DYRK1A: variants seen among roughly 807,000 people sequenced by gnomAD.
DYRK1A encodes the protein dual specificity tyrosine phosphorylation regulated kinase 1A.
In DYRK1A, 9 loss-of-function variants were observed where a neutral mutation model predicts 79.7. That is an observed-to-expected ratio of 0.11 (90% CI 0.07 to 0.20). The LOEUF (loss-of-function observed/expected upper bound fraction) is 0.20, where lower values mean the gene tolerates loss of function less well. DYRK1A is among the 10% of genes least tolerant of loss of function. DYRK1A has a pLI of 1.00. For missense variants in DYRK1A, 622 were observed against 956.0 expected (o/e 0.65, Z 4.61); for synonymous variants, 349 against 329.7 (o/e 1.06, Z -0.63).
chr21:37,366,062 C>A (rs2049295588), upstream of DYRK1A: 1 of 151,564 alleles, frequency 6.6e-6, no homozygotes, highest in Non-Finnish European at 1.5e-5. Flanking sequence ...GCCCCCACCA[C>A]GGCCTCCGCC....
At chr21:37,479,966 A>C (rs1426858747) in intron 4 of DYRK1A, among the ~76,000 whole-genome samples, 1 of 151,902 alleles carries the variant, frequency 6.6e-6, no homozygotes, top group East Asian at 1.9e-4. Flanking sequence ...CCTGTGATTA[A>C]CCATAGGCGT....
chr21:37,421,297 T>A (rs1002231196), intron 2 of DYRK1A, among the ~76,000 whole-genome samples: 1 of 152,094 alleles, frequency 6.6e-6, no homozygotes, highest in Non-Finnish European at 1.5e-5. Flanking sequence ...TGGTGTAGTT[T>A]TTGTGATTGG....
chr21:37,511,148 C>T (rs1320121008), intron 11 of DYRK1A, among the ~76,000 whole-genome samples: 2 of 152,178 alleles, frequency 1.3e-5, no homozygotes, highest in Non-Finnish European at 2.9e-5. Flanking sequence ...GTTTGGAACT[C>T]AGGTAGCCAG....
chr21:37,450,409 T>C (rs979658615), intron 2 of DYRK1A, among the ~76,000 whole-genome samples: 1 of 152,234 alleles, frequency 6.6e-6, no homozygotes, highest in Admixed American at 6.5e-5. Context: ...TCTTGATTTT[T>C]ATCACGTTGT....
chr21:37,453,570 T>C (rs1444247244), intron 2 of DYRK1A, among the ~76,000 whole-genome samples: 1 of 152,154 alleles, frequency 6.6e-6, no homozygotes, highest in East Asian at 1.9e-4. Flanking sequence ...CGAGCAGGTG[T>C]TTGGTCCAGG....
intron 9 of DYRK1A, chr21:37,503,894 A>G (rs989442364): frequency 2.0e-5 from 3 of 152,148 alleles, no homozygotes; most frequent in African/African-American, 7.2e-5. Context: ...ATTTATGTGT[A>G]TCTTCTATTG....
At chr21:37,471,561 T>C (rs144185391) in intron 2 of DYRK1A, among the ~76,000 whole-genome samples, 110 of 152,338 alleles carry the variant, frequency 7.2e-4, no homozygotes, top group African/African-American at 2.5e-3. Flanking sequence ...ATGTTGTATG[T>C]ACTAAAGCAC....
chr21:37,398,221 G>A (rs942774880), intron 1 of DYRK1A, among the ~76,000 whole-genome samples: 1 of 151,316 alleles, frequency 6.6e-6, no homozygotes, highest in Non-Finnish European at 1.5e-5. Context: ...GCAGGCACCT[G>A]TAATCCTAGC....
chr21:37,375,436 G>A (rs928134269), intron 1 of DYRK1A, among the ~76,000 whole-genome samples: 4 of 150,892 alleles, frequency 2.7e-5, no homozygotes, highest in African/African-American at 9.7e-5. Flanking sequence ...TTCACTGTTG[G>A]AATTCATTTC....
chr21:37,428,396 T>G (rs1173080935), intron 2 of DYRK1A, among the ~76,000 whole-genome samples: 2 of 152,200 alleles, frequency 1.3e-5, no homozygotes, highest in African/African-American at 4.8e-5. Context: ...TGACCTTTTA[T>G]GTAGTGTAAT....
chr21:37,387,918 A>G (rs555956586), intron 1 of DYRK1A, among the ~76,000 whole-genome samples: 1 of 152,108 alleles, frequency 6.6e-6, no homozygotes, highest in South Asian at 2.1e-4. Context: ...GGATTTCGTT[A>G]AAAAGAAAAC....
At chr21:37,429,804 G>T (rs971189550) in intron 2 of DYRK1A, among the ~76,000 whole-genome samples, 2 of 152,166 alleles carry the variant, frequency 1.3e-5, no homozygotes, top group African/African-American at 4.8e-5. Context: ...ATCCATTCTG[G>T]AAGTAAAAGA....
chr21:37,446,957 G>A (rs927034125), intron 2 of DYRK1A, among the ~76,000 whole-genome samples: 2 of 152,082 alleles, frequency 1.3e-5, no homozygotes, highest in African/African-American at 2.4e-5. Flanking sequence ...TCTCCTGATT[G>A]TTACTAGTCT....
At chr21:37,470,648 T>C (rs1447957949) in intron 2 of DYRK1A, among the ~76,000 whole-genome samples, 1 of 152,156 alleles carries the variant, frequency 6.6e-6, no homozygotes, top group Non-Finnish European at 1.5e-5. Flanking sequence ...ATTCTTTTTA[T>C]TTATATTCCT....
chr21:37,510,488 T>C (rs1418055101), intron 11 of DYRK1A, among the ~76,000 whole-genome samples: 2 of 152,110 alleles, frequency 1.3e-5, no homozygotes, highest in African/African-American at 4.8e-5. Context: ...TGAAGAAAAA[T>C]GGCAAGTAGC....
At chr21:37,405,187 A>G (rs1358249211) in intron 1 of DYRK1A, among the ~76,000 whole-genome samples, 1 of 152,108 alleles carries the variant, frequency 6.6e-6, no homozygotes, top group African/African-American at 2.4e-5. Context: ...ACTCTAGAGC[A>G]GTTGAACCCC....
intron 1 of DYRK1A, among the ~76,000 whole-genome samples, chr21:37,400,725 A>T (rs191484940): frequency 4.9e-4 from 75 of 152,360 alleles, no homozygotes; most frequent in Admixed American, 4.4e-3. Context: ...TAGGGAAATG[A>T]TATGAATGAT....
rs2053773617 is a variant in DYRK1A, at chr21:37,512,223, A to G, written c.1957A>G (p.Thr653Ala). 3 of 1,614,144 alleles carry G rather than the reference A, an allele frequency of 1.9e-6. No individual in the cohort carries two copies. The highest frequency in any genetic ancestry group is 2.5e-6 in the Non-Finnish European group (3 of 1,180,028). Residue 653 changes from threonine (T) to alanine (A), a missense_variant, in exon 12 of 12, where the codon ACG (threonine) becomes GCG (alanine). By Grantham distance (58) the Thr-to-Ala change is moderately conservative. This residue lies in a region of DYRK1A where 292 missense variants were observed against 316.7 expected (regional missense o/e 0.92). Transcript: ENST00000647188. ...CTCCATGACATCCCTGTCTTCCTCA[A>G]CGACTTCTTCCTCGACATCTTCCTC... ...HHSMTSLSSS[T>A]TSSSTSSSST...
rs186079007 is a variant in DYRK1A at position 37,373,474 on chromosome 21, T to C, written c.-77+5846T>C. ...TGGGCCTGTTTCTGACTAAATACAG[T>C]GGCTTAAACGAGAAATTTATTTTTC... On this transcript the variant is annotated intron_variant, in intron 1 of 11. Coordinates refer to ENST00000647188, the MANE Select transcript of DYRK1A (RefSeq NM_001347721.2). 2.0e-5 allele frequency among the ~76,000 whole-genome samples: 3 copies of C among 152,324 alleles called. No homozygotes were observed. In the East Asian group the frequency reaches 5.8e-4, roughly 29 times the overall value.
Sources: gnomAD v4.1 joint callset for allele counts (sites outside exome capture counted in the v4.1 genomes callset) on GRCh38, gnomAD v4.1.1 for gene constraint, gnomAD v4.1.1 regional missense constraint, MANE v1.5 for transcripts, NCBI Gene and HGNC (gene_info 2026-07-23, HGNC 2026-07-21) for gene names.